Variants in STX8 observed in about 807,000 individuals in gnomAD.
STX8 encodes syntaxin-8.
Under a neutral mutation model 37.5 loss-of-function variants are expected in STX8, and 23 were observed. The ratio of observed to expected loss-of-function variants is 0.61; its 90% confidence interval spans 0.44 to 0.87. STX8 has a LOEUF of 0.87. Ranked by LOEUF, STX8 falls within the 40% of genes least tolerant of loss-of-function variation. The pLI, the probability that STX8 is intolerant of heterozygous loss-of-function variation, is 0.00. For synonymous variants in STX8, 115 were observed against 99.1 expected (o/e 1.16, Z -0.95); for missense variants, 313 against 284.7 (o/e 1.10, Z -0.71).
chr17:9,293,435 A>G (rs1908391701), intron 7 of STX8, among the ~76,000 whole-genome samples: 1 of 151,738 alleles, frequency 6.6e-6, no homozygotes. Context: ...TAATCAGCTT[A>G]TGAGGACCTC....
intron 7 of STX8, among the ~76,000 whole-genome samples, chr17:9,284,764 G>A (rs1908016588): frequency 6.6e-6 from 1 of 152,174 alleles, no homozygotes; most frequent in African/African-American, 2.4e-5. Flanking sequence ...CGACTTAGCA[G>A]AATTAGAAAA....
chr17:9,554,285 AAAC>A (rs1906882550), intron 3 of STX8: 2 of 152,360 alleles, frequency 1.3e-5, no homozygotes, highest in South Asian at 4.2e-4. Flanking sequence ...CAAAAACAAA[AAAC>A]AAACAAACCA....
chr17:9,446,331 T>C (rs927362834), intron 6 of STX8, among the ~76,000 whole-genome samples: 11 of 152,228 alleles, frequency 7.2e-5, no homozygotes, highest in Admixed American at 1.3e-4. Context: ...TTTATTATTC[T>C]AGCTCAGATT....
At chr17:9,366,432 A>G (rs1356016662) in intron 7 of STX8, among the ~76,000 whole-genome samples, 1 of 152,048 alleles carries the variant, frequency 6.6e-6, no homozygotes, top group Non-Finnish European at 1.5e-5. Flanking sequence ...GGGTTTCACA[A>G]TGTTGGCCAG....
chr17:9,448,152 G>T (rs1258855167), intron 6 of STX8, among the ~76,000 whole-genome samples: 1 of 139,898 alleles, frequency 7.1e-6, no homozygotes, highest in Non-Finnish European at 1.5e-5. Context: ...TCCAGCCTGG[G>T]CAACAGAATG....
chr17:9,424,708 G>T (rs1325578184), intron 6 of STX8, among the ~76,000 whole-genome samples: 1 of 152,078 alleles, frequency 6.6e-6, no homozygotes, highest in African/African-American at 2.4e-5. Flanking sequence ...CTGGGGTATG[G>T]TAGATACTTG....
chr17:9,434,954 T>C (rs181918091), intron 6 of STX8, among the ~76,000 whole-genome samples: 19 of 152,306 alleles, frequency 1.2e-4, no homozygotes, highest in Non-Finnish European at 1.9e-4. Flanking sequence ...GGGAGTGCCT[T>C]TATGTTAATG....
chr17:9,279,904 A>G (rs985456823), intron 7 of STX8, among the ~76,000 whole-genome samples: 1 of 152,262 alleles, frequency 6.6e-6, no homozygotes, highest in African/African-American at 2.4e-5. Flanking sequence ...ATACATCAAT[A>G]GATTCCAACT....
chr17:9,386,826 G>A (rs1353048756), intron 6 of STX8, among the ~76,000 whole-genome samples: 1 of 152,030 alleles, frequency 6.6e-6, no homozygotes, highest in Non-Finnish European at 1.5e-5. Flanking sequence ...CTAAAATTCT[G>A]CCTGCTCTCA....
chr17:9,280,192 C>T (rs913841476), intron 7 of STX8, among the ~76,000 whole-genome samples: 1 of 151,938 alleles, frequency 6.6e-6, no homozygotes, highest in Non-Finnish European at 1.5e-5. Flanking sequence ...TGCACTCCAG[C>T]GTAGGAGACA....
rs557641864 is a variant in STX8 at position 9,574,556 on chromosome 17, C to A, written c.17+1236G>T. Among the ~76,000 whole-genome samples, 43 of 134,576 alleles carry A rather than the reference C, an allele frequency of 3.2e-4. 1 individual carries two copies. The East Asian group carries it at 5.2e-3, about 16-fold the overall frequency. 88.3% of individuals were successfully genotyped at this position (134,576 alleles called of 152,430 possible). A position where few individuals can be genotyped will look rare whatever the true frequency, so the allele number is the denominator to read the frequency against. On this transcript the variant is annotated intron_variant, in intron 1 of 7. Coordinates refer to ENST00000306357, the MANE Select transcript of STX8 (RefSeq NM_004853.3). ...TGGGGTTTTTTATTTTTTTTTGAGACGGAGTTTCGCTCGTGTTGCCCAGGC... is the reference window on the plus strand; with the variant it reads ...TGGGGTTTTTTATTTTTTTTTGAGAAGGAGTTTCGCTCGTGTTGCCCAGGC...
At chr17:9,485,817 C>A (rs1453149131) in intron 6 of STX8, among the ~76,000 whole-genome samples, 1 of 152,126 alleles carries the variant, frequency 6.6e-6, no homozygotes. Flanking sequence ...AACTCCTGAC[C>A]TCAAATGATC....
intron 7 of STX8, among the ~76,000 whole-genome samples, chr17:9,278,764 G>A (rs372398183): frequency 3.9e-5 from 6 of 152,214 alleles, no homozygotes; most frequent in East Asian, 3.9e-4. Flanking sequence ...AAAGATCACG[G>A]GGAGGCGGAG....
chr17:9,528,332 TC>T (rs1380143802), intron 4 of STX8, among the ~76,000 whole-genome samples: 1 of 152,154 alleles, frequency 6.6e-6, no homozygotes, highest in Non-Finnish European at 1.5e-5. Context: ...GGACTCTCGC[TC>T]TGTCGCCAGG....
At chr17:9,528,333 C>CT in intron 4 of STX8, among the ~76,000 whole-genome samples, 1 of 152,152 alleles carries the variant, frequency 6.6e-6, no homozygotes, top group Admixed American at 6.5e-5. Flanking sequence ...GACTCTCGCT[C>CT]TGTCGCCAGG....
intron 6 of STX8, among the ~76,000 whole-genome samples, chr17:9,483,357 C>T (rs1410694842): frequency 6.6e-6 from 1 of 152,194 alleles, no homozygotes; most frequent in Non-Finnish European, 1.5e-5. Flanking sequence ...CTCCCTCTGC[C>T]TCCCCTTTGT....
At chr17:9,428,462 G>C (rs1231327040) in intron 6 of STX8, among the ~76,000 whole-genome samples, 5 of 152,160 alleles carry the variant, frequency 3.3e-5, no homozygotes, top group East Asian at 1.9e-4. Context: ...GGATGGTCTT[G>C]ATCTCCTGAC....
chr17:9,295,442 T>C (rs938577121), intron 7 of STX8, among the ~76,000 whole-genome samples: 1 of 152,162 alleles, frequency 6.6e-6, no homozygotes, highest in Admixed American at 6.5e-5. Context: ...TCTAGGATAT[T>C]ATCTTGAAAA....
intron 7 of STX8, among the ~76,000 whole-genome samples, chr17:9,313,058 G>A (rs766867672): frequency 1.9e-4 from 29 of 152,112 alleles, no homozygotes; most frequent in Non-Finnish European, 2.9e-4. Flanking sequence ...AGGCATGGTG[G>A]CGCATGCCTG....
Sources: allele counts gnomAD v4.1 joint callset (sites outside exome capture counted in the v4.1 genomes callset), GRCh38; gene constraint gnomAD v4.1.1; transcripts MANE v1.5; gene names NCBI Gene and HGNC (gene_info 2026-07-23, HGNC 2026-07-21).